TUSC3: variants seen among roughly 807,000 people sequenced by gnomAD.
TUSC3 encodes the protein dolichyl-diphosphooligosaccharide--protein glycosyltransferase subunit TUSC3.
Under a neutral mutation model 44.8 loss-of-function variants are expected in TUSC3, and 45 were observed. The ratio of observed to expected loss-of-function variants is 1.00; its 90% CI spans 0.79 to 1.29. The LOEUF (loss-of-function observed/expected upper bound fraction) is 1.29, where lower values mean the gene tolerates loss of function less well. Among genes scored for constraint, TUSC3 ranks in the 50% most tolerant of loss-of-function variants. The pLI, the probability that TUSC3 is intolerant of heterozygous loss-of-function variation, is 0.00. For synonymous variants in TUSC3, 212 were observed against 152.9 expected (o/e 1.39, Z -2.85); for missense variants, 519 against 437.9 (o/e 1.19, Z -1.65).
chr8:15,546,124 A>G (rs1187189901), intron 1 of TUSC3, among the ~76,000 whole-genome samples: 1 of 151,842 alleles, frequency 6.6e-6, no homozygotes, highest in Non-Finnish European at 1.5e-5. Context: ...GCATGTGTGT[A>G]TGTGTGTAAC....
At chr8:15,601,118 G>A (rs532515928) in intron 1 of TUSC3, among the ~76,000 whole-genome samples, 58 of 151,770 alleles carry the variant, frequency 3.8e-4, no homozygotes, top group African/African-American at 1.4e-3. Context: ...GTATCCATAG[G>A]TAGCAAGCTT....
chr8:15,507,385 C>G (rs1353674127), intron 2 of TUSC3, among the ~76,000 whole-genome samples: 1 of 152,078 alleles, frequency 6.6e-6, no homozygotes, highest in East Asian at 1.9e-4. Flanking sequence ...TAGTTCATGC[C>G]TTATCAAAAT....
intron 2 of TUSC3, among the ~76,000 whole-genome samples, chr8:15,523,142 A>G (rs565926404): frequency 3.0e-4 from 45 of 152,256 alleles, no homozygotes; most frequent in Admixed American, 2.9e-3. Context: ...GTTTCTTTCC[A>G]TTTGTTCTCC....
At chr8:15,556,590 C>A (rs1196509649) in intron 1 of TUSC3, among the ~76,000 whole-genome samples, 1 of 147,108 alleles carries the variant, frequency 6.8e-6, no homozygotes, top group Non-Finnish European at 1.5e-5. Flanking sequence ...CTGACTTCCA[C>A]AATGGTTGAA....
At position 15,654,546 on chromosome 8, in the gene TUSC3, A is replaced by C. The variant is rs1178025538; in HGVS notation, c.426+3732A>C. On this transcript the variant is annotated intron_variant, in intron 3 of 10. Transcript: ENST00000503731. ...TGCATTGCAGGAGCTTGTGTTTACA[A>C]ATCAGTCTTCTAATGAACTTATTAA... 3.3e-5 allele frequency among the ~76,000 whole-genome samples: 5 copies of C among 152,312 alleles called. No individual in the cohort carries two copies. In the East Asian group the frequency reaches 7.7e-4, roughly 23 times the overall value.
At chr8:15,634,519 A>G (rs1337139925) in intron 2 of TUSC3, among the ~76,000 whole-genome samples, 3 of 152,196 alleles carry the variant, frequency 2.0e-5, no homozygotes, top group Admixed American at 6.5e-5. Flanking sequence ...TCTTCCATTA[A>G]CACTTCCATA....
chr8:15,480,533 C>A (rs1368812250), intron 1 of TUSC3, among the ~76,000 whole-genome samples: 1 of 152,168 alleles, frequency 6.6e-6, no homozygotes, highest in African/African-American at 2.4e-5. Flanking sequence ...ACTCTTGCCT[C>A]ATGTCTGATT....
chr8:15,509,249 A>C (rs2129128031), intron 2 of TUSC3, among the ~76,000 whole-genome samples: 1 of 152,306 alleles, frequency 6.6e-6, no homozygotes, highest in East Asian at 1.9e-4. Flanking sequence ...CTTGTCAATA[A>C]ATTAAACCAC....
Position 15,420,083 on chromosome 8 carries a change from C to T in TUSC3, n.91+2778C>T, listed in dbSNP as rs149548572. Among the ~76,000 whole-genome samples the T allele has an allele frequency of 1.6e-3, 245 of 152,208 alleles. 1 individual carries two copies. The highest frequency in any genetic ancestry group is 5.5e-3 in the African/African-American group (230 of 41,516). On this transcript the variant is annotated intron_variant and non_coding_transcript_variant, in intron 1 of 5. Transcript: ENST00000503191. Reference sequence around the variant, plus strand: ...TTTTGATGTAATGATGCCAAAAACACTATAACAAAGCTTATGCATACACAC... The same window carrying T: ...TTTTGATGTAATGATGCCAAAAACATTATAACAAAGCTTATGCATACACAC...
At chr8:15,506,261 C>A (rs949379687) in intron 2 of TUSC3, among the ~76,000 whole-genome samples, 1 of 152,146 alleles carries the variant, frequency 6.6e-6, no homozygotes, top group African/African-American at 2.4e-5. Context: ...CTCTCAGTCC[C>A]ACTCTCCCCT....
At chr8:15,839,529 G>GA in the TUSC3 span, among the ~76,000 whole-genome samples, 323 of 144,752 alleles carry the variant, frequency 2.2e-3, 1 homozygote, top group African/African-American at 7.5e-3. Context: ...AAATTTACAA[G>GA]AAAAAAAACA....
chr8:15,851,694 T>C, the TUSC3 span, among the ~76,000 whole-genome samples: 14 of 152,322 alleles, frequency 9.2e-5, no homozygotes, highest in Admixed American at 3.3e-4. Context: ...ATTTCTACAT[T>C]TCTCTGACAT....
chr8:15,474,967 C>G (rs144431141), intron 1 of TUSC3, among the ~76,000 whole-genome samples: 2,303 of 152,276 alleles, frequency 0.015, 35 homozygotes, highest in Middle Eastern at 0.037. Context: ...CCTTCTGTGA[C>G]ACTTGCAGAT....
Position 15,540,538 on chromosome 8 carries a change from C to T in TUSC3, c.108C>T (p.Ile36=). ...PFLLLLLLLC[I]QLGGGQKKKE... is the part of the protein sequence containing the mutation. ...TTCTCCTGCTGCTGCTGCTCTGCAT[C>T]CAGCTCGGGGGAGGACAGAAGAAAA... Residue 36 remains isoleucine, a synonymous_variant, in exon 1 of 11, where the codon ATC becomes ATT. Transcript: ENST00000503731. The T allele has an allele frequency of 6.2e-7, 1 of 1,602,178 alleles. No homozygotes were observed. The highest frequency in any genetic ancestry group is 8.5e-7 in the Non-Finnish European group (1 of 1,175,100).
chr8:15,850,233 T>C, the TUSC3 span, among the ~76,000 whole-genome samples: 4 of 152,132 alleles, frequency 2.6e-5, no homozygotes, highest in Admixed American at 1.3e-4. Flanking sequence ...ACTAAATCAC[T>C]TAGTATTATG....
intron 1 of TUSC3, among the ~76,000 whole-genome samples, chr8:15,555,555 A>G (rs559039284): frequency 6.6e-6 from 1 of 151,458 alleles, no homozygotes; most frequent in African/African-American, 2.4e-5. Context: ...TTGGCCTCCC[A>G]GAGTGCTGGG....
At chr8:15,522,684 A>C (rs1299333398) in intron 2 of TUSC3, among the ~76,000 whole-genome samples, 2 of 151,958 alleles carry the variant, frequency 1.3e-5, no homozygotes, top group Admixed American at 1.3e-4. Flanking sequence ...CAGAAATCCA[A>C]TCCAGGAGAC....
chr8:15,488,136 T>A (rs4831727), intron 2 of TUSC3, among the ~76,000 whole-genome samples: 1 of 151,922 alleles, frequency 6.6e-6, no homozygotes, highest in South Asian at 2.1e-4. Context: ...GTCCCCTCTT[T>A]ATTGAAGTTT....
At chr8:15,700,204 A>G (rs1338584897) in intron 6 of TUSC3, among the ~76,000 whole-genome samples, 1 of 152,146 alleles carries the variant, frequency 6.6e-6, no homozygotes, top group Non-Finnish European at 1.5e-5. Context: ...AAAAAAGTTT[A>G]TCATGCTTTT....
Sources: gnomAD v4.1 joint callset for allele counts (sites outside exome capture counted in the v4.1 genomes callset) on GRCh38, gnomAD v4.1.1 for gene constraint, MANE v1.5 for transcripts, NCBI Gene and HGNC (gene_info 2026-07-23, HGNC 2026-07-21) for gene names.